Variants in TRARG1 observed in about 807,000 individuals in gnomAD.
The protein encoded by TRARG1 is trafficking regulator of GLUT4 (SLC2A4) 1 (gene/pseudogene).
A neutral mutation model predicts 13.3 loss-of-function variants in TRARG1; 16 were observed. The ratio of observed to expected loss-of-function variants is 1.20; its 90% confidence interval spans 0.81 to 1.83. The LOEUF (loss-of-function observed/expected upper bound fraction) is 1.83, where lower values mean the gene tolerates loss of function less well. TRARG1 is among the 40% of genes most tolerant of loss of function. The pLI, the probability that TRARG1 is intolerant of heterozygous loss-of-function variation, is 0.00. For synonymous variants in TRARG1, 113 were observed against 106.2 expected (o/e 1.06, Z -0.39); for missense variants, 250 against 237.4 (o/e 1.05, Z -0.35).
At position 1,291,447 on chromosome 17, in the gene TRARG1, C is replaced by T. The variant is rs547415145; in HGVS notation, c.388-4044C>T. Among the ~76,000 whole-genome samples the T allele has an allele frequency of 1.4e-4, 22 of 152,308 alleles. No individual in the cohort carries two copies. In the East Asian group the frequency reaches 2.9e-3, roughly 20 times the overall value. The stretch of plus-strand genomic sequence containing the variant: ...TTATAAGGGGCTTCCCCGTTTTGTT[C>T]GGCACTTTTCCTTTCTGCCGCCATG... On this transcript the variant is annotated intron_variant, in intron 1 of 2. Coordinates refer to ENST00000333813, the MANE Select transcript of TRARG1 (RefSeq NM_172367.3).
rs949543177 is a variant in TRARG1 at position 1,286,140 on chromosome 17, G to T, written c.387+5752G>T. Among the ~76,000 whole-genome samples the T allele has an allele frequency of 3.9e-5, 6 of 152,244 alleles. No individual in the cohort carries two copies. In the East Asian group the frequency reaches 1.2e-3, roughly 29 times the overall value. On this transcript the variant is annotated intron_variant, in intron 1 of 2. Transcript: ENST00000333813. ...CCTGGCAGCCTGAAGGAGAGGCCGT[G>T]AGGGCAGAGGCCGATGGAACTGCTC...
chr17:1,293,649 G>T (rs567050221), intron 1 of TRARG1, among the ~76,000 whole-genome samples: 1 of 152,272 alleles, frequency 6.6e-6, no homozygotes, highest in Admixed American at 6.5e-5. Context: ...GTTTGATGAT[G>T]TCATGGGCTG....
rs1390932307 is a variant in TRARG1, at chr17:1,298,765, CG to C, written c.*503del. 3.2e-5 allele frequency: 5 copies of C among 155,436 alleles called. No homozygotes were observed. The highest frequency in any genetic ancestry group is 1.3e-4 in the Admixed American group (2 of 15,536). The allele number at this position is 155,436 out of a possible 1,614,324, so 9.6% of individuals were successfully genotyped here. ...TTGCATGCTTCGTGCCACACGCCCG[CG>C]GTGATCCCAGCCAGGGCCCCGAGCG... On this transcript the variant is annotated 3_prime_UTR_variant, in exon 3 of 3. Coordinates refer to ENST00000333813, the MANE Select transcript of TRARG1 (RefSeq NM_172367.3).
intron 2 of TRARG1, among the ~76,000 whole-genome samples, chr17:1,296,652 C>T (rs1185899550): frequency 6.6e-6 from 1 of 151,988 alleles, no homozygotes; most frequent in African/African-American, 2.4e-5. Context: ...GCTGGGCTTA[C>T]AGGTGCCCAC....
chr17:1,282,079 T>TATATACGC (rs1567927985), intron 1 of TRARG1, among the ~76,000 whole-genome samples: 1 of 44,818 alleles, frequency 2.2e-5, no homozygotes, highest in Admixed American at 2.8e-4. Context: ...CATATATACA[T>TATATACGC]ATATGTACAT....
intron 1 of TRARG1, among the ~76,000 whole-genome samples, chr17:1,283,876 G>T (rs1474487900): frequency 3.3e-5 from 5 of 152,068 alleles, no homozygotes; most frequent in Admixed American, 2.6e-4. Context: ...ACTTTGGGAG[G>T]CCGAGGCGGG....
rs117003293 is a variant in TRARG1 at position 1,295,421 on chromosome 17, C to G, written c.388-70C>G. On this transcript the variant is annotated intron_variant, in intron 1 of 2. Coordinates refer to ENST00000333813, the MANE Select transcript of TRARG1 (RefSeq NM_172367.3). ...CAGGCTCAGGGCCACCCCAGGGCTGCCTGCTGAGGCCCATGAAGCTGACCC... is the reference window on the plus strand; with the variant it reads ...CAGGCTCAGGGCCACCCCAGGGCTGGCTGCTGAGGCCCATGAAGCTGACCC... 929 of 1,520,494 alleles carry G rather than the reference C, an allele frequency of 6.1e-4. 9 individuals carry two copies. In the East Asian group the frequency reaches 0.018, roughly 29 times the overall value. 94.2% of individuals were successfully genotyped at this position (1,520,494 alleles called of 1,614,324 possible).
chr17:1,293,315 T>C (rs2072086283), intron 1 of TRARG1, among the ~76,000 whole-genome samples: 1 of 147,476 alleles, frequency 6.8e-6, no homozygotes, highest in Non-Finnish European at 1.5e-5. Context: ...ATAGTGGTGA[T>C]GCTCCTGCTT....
chr17:1,291,013 C>G (rs952825268), intron 1 of TRARG1, among the ~76,000 whole-genome samples: 9 of 151,656 alleles, frequency 5.9e-5, no homozygotes, highest in African/African-American at 1.7e-4. Flanking sequence ...TCCAGCGATT[C>G]TCCTGCCTCA....
At chr17:1,280,463 A>T (rs886724198) in intron 1 of TRARG1, 75 bp downstream of exon 1, 1 of 1,416,112 alleles carries the variant, frequency 7.1e-7, no homozygotes, top group African/African-American at 1.4e-5. Flanking sequence ...GGCAGGCACC[A>T]AACACTGCCC....
chr17:1,282,713 G>A (rs1203980582), intron 1 of TRARG1, among the ~76,000 whole-genome samples: 4 of 139,260 alleles, frequency 2.9e-5, no homozygotes, highest in Non-Finnish European at 4.7e-5. Context: ...TATTTGAAAC[G>A]GAGCCTCGCT....
Position 1,282,285 on chromosome 17 carries a change from CAT to C in TRARG1, c.387+1902_387+1903del, listed in dbSNP as rs1491297458. On this transcript the variant is annotated intron_variant, in intron 1 of 2. Coordinates refer to ENST00000333813, the MANE Select transcript of TRARG1 (RefSeq NM_172367.3). ...ATGTACATATATGCACGTATATGTACATATATGTACGTATATGTACATATGCG... is the reference window on the plus strand; with the variant it reads ...ATGTACATATATGCACGTATATGTACATATGTACGTATATGTACATATGCG... Among the ~76,000 whole-genome samples, 953 of 136,868 alleles carry C rather than the reference CAT, an allele frequency of 7.0e-3. 21 individuals are homozygous for C. Among genetic ancestry groups the C allele is most frequent in the Non-Finnish European group, 0.01 (644 of 62,152 alleles). 89.8% of individuals were successfully genotyped at this position (136,868 alleles called of 152,430 possible).
Position 1,300,966 on chromosome 17 carries a change from A to C in TRARG1, c.*2702A>C, listed in dbSNP as rs1270656713. 2.6e-5 allele frequency: 4 copies of C among 152,398 alleles called. No homozygotes were observed. The highest frequency in any genetic ancestry group is 5.9e-5 in the Non-Finnish European group (4 of 68,196). The allele number at this position is 152,398 out of a possible 1,614,324, so 9.4% of individuals were successfully genotyped here. On this transcript the variant is annotated 3_prime_UTR_variant, in exon 3 of 3. Coordinates refer to ENST00000333813, the MANE Select transcript of TRARG1 (RefSeq NM_172367.3). ...TGTGTGTCTTAGCATGGAAATAAAT[A>C]AACCTGAATGTACGTGCTCGCCTCT...
intron 1 of TRARG1, among the ~76,000 whole-genome samples, chr17:1,285,392 T>C (rs148040884): frequency 0.062 from 9,028 of 145,518 alleles, 814 homozygotes; most frequent in African/African-American, 0.2. Flanking sequence ...GCCTGGGCAA[T>C]AGAGCAAGAC....
Position 1,279,958 on chromosome 17 carries a change from C to G in TRARG1, c.-44C>G. The G allele has an allele frequency of 1.3e-6, 2 of 1,571,914 alleles. No homozygotes were observed. Among genetic ancestry groups the G allele is most frequent in the Non-Finnish European group, 1.7e-6 (2 of 1,158,172 alleles). On this transcript the variant is annotated 5_prime_UTR_variant, in exon 1 of 3. Transcript: ENST00000333813. ...GCGCGCTGAGGTCCCTCCAGAGCCC[C>G]TTGTCCCAGCCTGGAGCTGCAGCCG...
At chr17:1,283,222 T>C (rs756396600) in intron 1 of TRARG1, among the ~76,000 whole-genome samples, 3 of 151,970 alleles carry the variant, frequency 2.0e-5, no homozygotes, top group Non-Finnish European at 4.4e-5. Flanking sequence ...ATCTGCAAAA[T>C]GGGTATAACC....
intron 1 of TRARG1, among the ~76,000 whole-genome samples, chr17:1,292,616 C>T (rs895453181): frequency 1.3e-5 from 2 of 152,230 alleles, no homozygotes; most frequent in South Asian, 2.1e-4. Context: ...GCAGCACCTT[C>T]GCACATGGCT....
Position 1,286,592 on chromosome 17 carries a change from C to G in TRARG1, c.387+6204C>G, listed in dbSNP as rs1335805699. Among the ~76,000 whole-genome samples, 7 of 127,728 alleles carry G rather than the reference C, an allele frequency of 5.5e-5. No individual in the cohort carries two copies. The South Asian group carries it at 1.6e-3, about 28-fold the overall frequency. The allele number at this position is 127,728 out of a possible 152,430, so 83.8% of individuals were successfully genotyped here. Reference sequence around the variant, plus strand: ...TGTCAGCCTGTGGGGTGTTATCGGCCTGTGGGGTGTTATTGGCCTGTGGGG... The same window carrying G: ...TGTCAGCCTGTGGGGTGTTATCGGCGTGTGGGGTGTTATTGGCCTGTGGGG... On this transcript the variant is annotated intron_variant, in intron 1 of 2. Coordinates refer to ENST00000333813, the MANE Select transcript of TRARG1 (RefSeq NM_172367.3).
intron 1 of TRARG1, among the ~76,000 whole-genome samples, chr17:1,289,794 C>T (rs1006644501): frequency 2.0e-5 from 3 of 152,066 alleles, no homozygotes; most frequent in African/African-American, 7.2e-5. Flanking sequence ...TATCCAAGTC[C>T]AGCTACATAC....
Sources: gnomAD v4.1 joint callset for allele counts (sites outside exome capture counted in the v4.1 genomes callset) on GRCh38, gnomAD v4.1.1 for gene constraint, MANE v1.5 for transcripts, NCBI Gene and HGNC (gene_info 2026-07-23, HGNC 2026-07-21) for gene names.